Variants in EEA1 observed in about 807,000 individuals in gnomAD.
EEA1 encodes early endosome antigen 1, 162kD.
Under a neutral mutation model 209.2 loss-of-function variants are expected in EEA1, and 111 were observed. That is an observed-to-expected ratio of 0.53 (90% CI 0.45 to 0.62). The LOEUF is 0.62. EEA1 is among the 20% of genes least tolerant of loss of function. EEA1 has a pLI of 0.00. For missense variants in EEA1, 1,343 were observed against 1,530.8 expected (o/e 0.88, Z 2.05); for synonymous variants, 536 against 540.6 (o/e 0.99, Z 0.12).
At chr12:92,862,429 A>G (rs2136720999) in intron 3 of EEA1, among the ~76,000 whole-genome samples, 1 of 152,062 alleles carries the variant, frequency 6.6e-6, no homozygotes, top group South Asian at 2.1e-4. Context: ...TGTCCCAAAA[A>G]GAAAAAAAAA....
chr12:92,894,074 GCTT>G (rs923736529), intron 1 of EEA1, among the ~76,000 whole-genome samples: 7 of 152,074 alleles, frequency 4.6e-5, no homozygotes, highest in African/African-American at 1.7e-4. Context: ...AATATTTCAA[GCTT>G]TTTTATTATT....
intron 9 of EEA1, among the ~76,000 whole-genome samples, 176 bp from the exon 10 acceptor site, chr12:92,842,757 T>C (rs1877224424): frequency 6.6e-6 from 1 of 152,174 alleles, no homozygotes; most frequent in African/African-American, 2.4e-5. Context: ...TTACGACAAA[T>C]TTTTACAATT....
chr12:92,913,668 A>T (rs549551289), intron 1 of EEA1, among the ~76,000 whole-genome samples: 70 of 151,420 alleles, frequency 4.6e-4, no homozygotes, highest in Non-Finnish European at 8.3e-4. Context: ...TTTGTTTGTT[A>T]GTTTGTTTTT....
chr12:92,782,820 G>T (rs768430743), intron 22 of EEA1, among the ~76,000 whole-genome samples: 4 of 152,196 alleles, frequency 2.6e-5, no homozygotes, highest in Non-Finnish European at 5.9e-5. Context: ...TTTTCTGATT[G>T]TGAGTCTTAA....
At chr12:92,808,184 T>G (rs966168596) in intron 18 of EEA1, among the ~76,000 whole-genome samples, 2 of 152,156 alleles carry the variant, frequency 1.3e-5, no homozygotes, top group Admixed American at 6.5e-5. Flanking sequence ...GGATACCATA[T>G]AGACACATAG....
chr12:92,848,722 CTTTTTT>C (rs71069184), intron 9 of EEA1, among the ~76,000 whole-genome samples: 2 of 64,548 alleles, frequency 3.1e-5, no homozygotes, highest in African/African-American at 6.1e-5. Flanking sequence ...ATATTCTCAC[CTTTTTT>C]TTTTTTTTTT....
chr12:92,835,266 T>C (rs1876865019), intron 10 of EEA1: 1 of 189,100 alleles, frequency 5.3e-6, no homozygotes, highest in South Asian at 7.3e-5. Context: ...AGAACTTGGA[T>C]GGAACATACC....
chr12:92,865,927 T>G (rs959244861), intron 2 of EEA1, among the ~76,000 whole-genome samples: 3 of 151,530 alleles, frequency 2.0e-5, no homozygotes, highest in African/African-American at 4.8e-5. Context: ...TTTGTGTGTT[T>G]TTAGTAGAGA....
intron 24 of EEA1, 102 bp downstream of exon 24, chr12:92,780,178 C>T: frequency 7.7e-7 from 1 of 1,290,962 alleles, no homozygotes; most frequent in Non-Finnish European, 1.0e-6. Flanking sequence ...TTGCCTAGCA[C>T]ATAGCAAGTT....
intron 5 of EEA1, among the ~76,000 whole-genome samples, chr12:92,854,510 A>G (rs1207511375): frequency 1.3e-5 from 2 of 152,224 alleles, no homozygotes; most frequent in Non-Finnish European, 2.9e-5. Context: ...AGACCTTATC[A>G]TACCGCAGAT....
intron 1 of EEA1, among the ~76,000 whole-genome samples, chr12:92,896,849 T>C (rs1048666458): frequency 5.9e-5 from 9 of 152,090 alleles, no homozygotes; most frequent in African/African-American, 2.2e-4. Context: ...TCAGCAGCTA[T>C]CAGTATAGAG....
At chr12:92,893,199 C>A (rs1284809929) in intron 1 of EEA1, among the ~76,000 whole-genome samples, 1 of 152,140 alleles carries the variant, frequency 6.6e-6, no homozygotes, top group Non-Finnish European at 1.5e-5. Flanking sequence ...GAATCTGAAA[C>A]CTAGTAAAAC....
intron 2 of EEA1, among the ~76,000 whole-genome samples, chr12:92,876,877 G>C (rs923311898): frequency 8.3e-5 from 12 of 144,578 alleles, no homozygotes; most frequent in African/African-American, 3.0e-4. Context: ...AAAACTTCTA[G>C]AACAAGCTAA....
At chr12:92,901,875 C>G (rs1880158763) in intron 1 of EEA1, among the ~76,000 whole-genome samples, 1 of 152,062 alleles carries the variant, frequency 6.6e-6, no homozygotes, top group Admixed American at 6.6e-5. Flanking sequence ...AGCCTTCATT[C>G]TTATTCTATT....
rs1226952346 is a variant in EEA1 at position 92,816,783 on chromosome 12, A to AAT, written c.1729-384_1729-383insAT. Among the ~76,000 whole-genome samples the AAT allele has an allele frequency of 3.2e-3, 484 of 151,794 alleles. 1 individual carries two copies. Among genetic ancestry groups the AAT allele is most frequent in the African/African-American group, 0.011 (465 of 41,156 alleles). On this transcript the variant is annotated intron_variant, in intron 14 of 28. Coordinates refer to ENST00000322349, the MANE Select transcript of EEA1 (RefSeq NM_003566.4). ...CTTCTGCAGTCATTCCTCCCATCCC[A>AAT]TCTCTAACTCCAGCCAATCACTGAT...
rs377376300 is a variant in EEA1, at chr12:92,788,057, A to G, written c.2968-8T>C. ...TTTATTCTCAAGCTCTGTCTGAAAC[A>G]TACAATAGTTATTTAAAACAGTATG... On this transcript the variant is annotated splice_polypyrimidine_tract_variant and splice_region_variant and intron_variant, in intron 21 of 28. Transcript: ENST00000322349. 1.2e-5 allele frequency: 18 copies of G among 1,560,520 alleles called. No homozygotes were observed. The highest frequency in any genetic ancestry group is 2.8e-5 in the African/African-American group (2 of 72,132).
At chr12:92,845,226 A>C (rs1877341148) in intron 9 of EEA1, among the ~76,000 whole-genome samples, 1 of 152,156 alleles carries the variant, frequency 6.6e-6, no homozygotes, top group Non-Finnish European at 1.5e-5. Flanking sequence ...ATAAGGAAAG[A>C]TTTGGGAAGA....
intron 2 of EEA1, among the ~76,000 whole-genome samples, chr12:92,880,495 G>T (rs139695674): frequency 0.011 from 1,641 of 152,028 alleles, 95 homozygotes; most frequent in Admixed American, 0.095. Flanking sequence ...TGTTGGAGGG[G>T]GCGGAGTCTC....
intron 22 of EEA1, among the ~76,000 whole-genome samples, chr12:92,784,760 T>C (rs768384178): frequency 6.6e-6 from 1 of 152,198 alleles, no homozygotes; most frequent in Non-Finnish European, 1.5e-5. Flanking sequence ...ATCTTTCTTA[T>C]TGCAGATTAT....
Sources: gnomAD v4.1 joint callset for allele counts (sites outside exome capture counted in the v4.1 genomes callset) on GRCh38, gnomAD v4.1.1 for gene constraint, MANE v1.5 for transcripts, NCBI Gene and HGNC (gene_info 2026-07-23, HGNC 2026-07-21) for gene names.